SIN3B: variants seen among roughly 807,000 people sequenced by gnomAD.
The protein encoded by SIN3B is SIN3 transcription regulator family member B.
SIN3B carries 19 observed loss-of-function variants against 120.2 expected under a neutral mutation model. The observed-to-expected ratio is 0.16, with a 90% confidence interval of 0.11 to 0.23. The LOEUF is 0.23. Among genes scored for constraint, SIN3B ranks in the 10% least tolerant of loss-of-function variants. The pLI is 1.00. For missense variants in SIN3B, 1,073 were observed against 1,573.0 expected, an observed-to-expected ratio of 0.68 and a Z score of 5.38; for synonymous variants, 654 against 653.2, an observed-to-expected ratio of 1.00 and a Z score of -0.02.
At chr19:16,853,199 C>G in intron 7 of SIN3B, 41 bp downstream of exon 7, 1 of 1,579,454 alleles carries the variant, frequency 6.3e-7, no homozygotes, top group South Asian at 1.1e-5. Flanking sequence ...GATGCCATGT[C>G]CAGCTGGCTG....
chr19:16,851,361 A>T, intron 5 of SIN3B, 51 bp from the exon 6 acceptor site: 1 of 1,512,292 alleles, frequency 6.6e-7, no homozygotes, highest in Non-Finnish European at 8.9e-7. Context: ...GCTCAGGTGC[A>T]TGGGTCCAGC....
In SIN3B at chr19:16,847,018, G is replaced by A. The variant is rs991469404; in HGVS notation, c.631G>A (p.Glu211Lys). ...RGRPFRGMSE[E>K]EVFTEVANLF... ...CCGGCCATTCCGAGGCATGTCTGAA[G>A]AGGAGGTGTTCACCGAGGTGGCCAA... is the stretch of plus-strand genomic sequence containing the variant. The change falls in exon 5 of 19, where the codon GAG becomes AAG. Residue 211 changes from glutamate (E) to lysine (K), a missense_variant. Physicochemically the swap from Glu to Lys is moderately conservative, Grantham distance 56 (BLOSUM62 1). Around this residue, in one of 7 missense-constraint regions of SIN3B, gnomAD observed 395 missense variants for 528.0 expected, o/e 0.75. Transcript: ENST00000248054. 2 of 1,614,222 alleles carry A rather than the reference G, an allele frequency of 1.2e-6. No homozygotes were observed. The highest frequency in any genetic ancestry group is 1.1e-5 in the South Asian group (1 of 91,088).
In SIN3B at chr19:16,869,681, C is replaced by T; in HGVS notation, c.2028C>T (p.Ala676=). ...LFFSQQLDLG[A]SEESADEDRD... The stretch of plus-strand genomic sequence containing the variant: ...TCTCTCAGCAGCTGGACCTGGGCGC[C>T]TCCGAGGAGTCAGCTGATGAGGACC... Residue 676 remains alanine (A), a synonymous_variant, in exon 13 of 19, where the codon GCC becomes GCT. Coordinates refer to ENST00000248054, the MANE Select transcript of SIN3B (RefSeq NM_001297595.2). 1 of 1,613,602 alleles carries T rather than the reference C, an allele frequency of 6.2e-7. No homozygotes were observed. Among genetic ancestry groups the T allele is most frequent in the East Asian group, 2.2e-5 (1 of 44,882 alleles).
chr19:16,829,439 G>C lies in SIN3B; in HGVS notation c.19G>C (p.Gly7Arg). ...TTCGGACATGGCGCACGCTGGCGGT[G>C]GCAGCGGTGGCAGCGGTGCCGGCGG... The part of the protein sequence containing the change: MAHAGG[G>R]SGGSGAGGPA... Residue 7 changes from glycine to arginine, a missense_variant, in exon 1 of 19, where the codon GGC becomes CGC. Around this residue, in one of 7 missense-constraint regions of SIN3B, gnomAD observed 395 missense variants for 528.0 expected, o/e 0.75. Transcript: ENST00000248054. 1 of 1,210,360 alleles carries C rather than the reference G, an allele frequency of 8.3e-7. No homozygotes were observed. The highest frequency in any genetic ancestry group is 1.0e-6 in the Non-Finnish European group (1 of 973,942). The allele number at this position is 1,210,360 out of a possible 1,614,324, so 75.0% of individuals were successfully genotyped here.
rs752534380 is a variant in SIN3B at position 16,871,344 on chromosome 19, C to T, written c.2538C>T (p.Ile846=). The T allele has an allele frequency of 6.2e-7, 1 of 1,613,890 alleles. No individual in the cohort carries two copies. Among genetic ancestry groups the T allele is most frequent in the Non-Finnish European group, 8.5e-7 (1 of 1,179,908 alleles). Reference sequence around the variant, plus strand: ...ACACCCTACGCGAGATGTTCACCATCCATGCCTACGTGGGCTTCACCATGG... The same window carrying T: ...ACACCCTACGCGAGATGTTCACCATTCATGCCTACGTGGGCTTCACCATGG... ...YEDTLREMFT[I]HAYVGFTMDK... Residue 846 remains isoleucine (I), a synonymous_variant, in exon 14 of 19, where the codon ATC becomes ATT. Coordinates refer to ENST00000248054, the MANE Select transcript of SIN3B (RefSeq NM_001297595.2).
chr19:16,856,999 G>T (rs185713639), intron 8 of SIN3B, among the ~76,000 whole-genome samples: 9 of 152,112 alleles, frequency 5.9e-5, no homozygotes, highest in South Asian at 2.1e-4. Flanking sequence ...TGGCTGTAGC[G>T]TTCACCCCAA....
chr19:16,869,190 C>T (rs1263780560), intron 12 of SIN3B, among the ~76,000 whole-genome samples: 1 of 152,164 alleles, frequency 6.6e-6, no homozygotes, highest in Non-Finnish European at 1.5e-5. Context: ...ATCTCAGAAT[C>T]CTCTTGGCTC....
Position 16,853,143 on chromosome 19 carries a change from T to G in SIN3B, c.924T>G (p.Phe308Leu). The change falls in exon 7 of 19, where the codon TTT (phenylalanine) becomes TTG (leucine). Residue 308 changes from phenylalanine (F) to leucine (L), a missense_variant. By Grantham distance (22) the Phe-to-Leu change is conservative. Transcript: ENST00000248054. ...AVGKYGTLQE[F>L]SFFDKVRRVL... is the part of the protein sequence containing the mutation. ...GGAAGTACGGGACTCTGCAGGAATT[T>G]TCTTTCTTTGACAAGGTGAGGGTGG... 6.2e-7 allele frequency: 1 copy of G among 1,614,148 alleles called. No individual in the cohort carries two copies. The highest frequency in any genetic ancestry group is 1.1e-5 in the South Asian group (1 of 91,084).
At position 16,876,330 on chromosome 19, in the gene SIN3B, G is replaced by A. The variant is rs576206861; in HGVS notation, c.2766+102G>A. 173 of 1,428,896 alleles carry A rather than the reference G, an allele frequency of 1.2e-4. No homozygotes were observed. The African/African-American group carries it at 1.7e-3, about 14-fold the overall frequency. The allele number at this position is 1,428,896 out of a possible 1,614,324, so 88.5% of individuals were successfully genotyped here. On this transcript the variant is annotated intron_variant, in intron 15 of 18. Transcript: ENST00000248054. The surrounding 1 kb of genome is among the most constrained non-coding windows in gnomAD (Gnocchi z 7.1). ...ACCCTGGTTCAGCGGCTGGGACACC[G>A]GCCCTGCTGCAGAGCCCATGAGGTA... is the stretch of plus-strand genomic sequence containing the variant.
intron 18 of SIN3B, 38 bp downstream of exon 18, chr19:16,878,428 C>T (rs1283178137): frequency 3.1e-6 from 5 of 1,593,268 alleles, no homozygotes; most frequent in African/African-American, 2.7e-5. Context: ...ACATGCCCCT[C>T]CTCACCCCAA....
At chr19:16,865,312 C>G (rs1294980584) in intron 10 of SIN3B, 98 bp from the exon 11 acceptor site, 9 of 558,388 alleles carry the variant, frequency 1.6e-5, no homozygotes, top group African/African-American at 4.0e-5. Context: ...ACACACCCCC[C>G]CCCCAAAAAA....
intron 3 of SIN3B, among the ~76,000 whole-genome samples, chr19:16,835,748 G>C (rs1395180088): frequency 6.6e-6 from 1 of 152,012 alleles, no homozygotes. Context: ...TCGAACCCCT[G>C]ACCTCAAGTG....
At chr19:16,878,434 C>T in intron 18 of SIN3B, 44 bp downstream of exon 18, 2 of 1,588,632 alleles carry the variant, frequency 1.3e-6, no homozygotes, top group South Asian at 1.1e-5. Flanking sequence ...CCCTCCTCAC[C>T]CCAAGTCCTG....
chr19:16,843,822 G>A (rs1971447873), intron 4 of SIN3B, among the ~76,000 whole-genome samples: 1 of 150,312 alleles, frequency 6.7e-6, no homozygotes, highest in South Asian at 2.1e-4. Flanking sequence ...CATTCATCAG[G>A]GCCCGCCCGG....
In SIN3B at chr19:16,853,122, G is replaced by A. The variant is rs1268269854; in HGVS notation, c.903G>A (p.Lys301=). Residue 301 remains lysine, a synonymous_variant, in exon 7 of 19, where the codon AAG becomes AAA. Transcript: ENST00000248054. ...TKDLSIAAVG[K]YGTLQEFSFF... The stretch of plus-strand genomic sequence containing the variant: ...ACCTGTCCATCGCTGCAGTGGGGAA[G>A]TACGGGACTCTGCAGGAATTTTCTT... The A allele has an allele frequency of 1.2e-6, 2 of 1,614,100 alleles. No individual in the cohort carries two copies. Among genetic ancestry groups the A allele is most frequent in the Admixed American group, 3.3e-5 (2 of 60,014 alleles).
chr19:16,879,286 G>A lies in SIN3B; in HGVS notation c.*559G>A, dbSNP rs551520932. On this transcript the variant is annotated 3_prime_UTR_variant, in exon 19 of 19. Transcript: ENST00000248054. ...GGTGTTCAGGCCCTCAGTCACTTTG[G>A]AAGTGAGAAGAACCCTTCAGCCAAA... The A allele has an allele frequency of 6.5e-6, 1 of 153,852 alleles. No homozygotes were observed. Among genetic ancestry groups the A allele is most frequent in the Admixed American group, 6.5e-5 (1 of 15,496 alleles). 9.5% of individuals were successfully genotyped at this position (153,852 alleles called of 1,614,324 possible).
At chr19:16,855,942 A>G (rs938480396) in intron 8 of SIN3B, among the ~76,000 whole-genome samples, 10 of 151,980 alleles carry the variant, frequency 6.6e-5, no homozygotes, top group African/African-American at 2.4e-4. Context: ...CTGTTGTCCC[A>G]GCTACTTAGG....
chr19:16,878,843 T>A lies in SIN3B; in HGVS notation c.*116T>A. On this transcript the variant is annotated 3_prime_UTR_variant, in exon 19 of 19. Transcript: ENST00000248054. ...GAGAGGCATCTCCCAGCCCCTCTGC[T>A]GCCGGACAGCGCACTCCAGGGCAGG... The A allele has an allele frequency of 1.0e-6, 1 of 953,322 alleles. No homozygotes were observed. The allele number at this position is 953,322 out of a possible 1,614,324, so 59.1% of individuals were successfully genotyped here.
intron 3 of SIN3B, among the ~76,000 whole-genome samples, chr19:16,834,400 C>T (rs903828826): frequency 3.9e-5 from 6 of 152,180 alleles, no homozygotes; most frequent in South Asian, 4.1e-4. Context: ...TCTTGACAGG[C>T]GCCACACTGG....
Sources: allele counts gnomAD v4.1 joint callset (sites outside exome capture counted in the v4.1 genomes callset), GRCh38; gene constraint gnomAD v4.1.1; regional missense constraint gnomAD v4.1.1; non-coding constraint Gnocchi (gnomAD v3.1); transcripts MANE v1.5; gene names NCBI Gene and HGNC (gene_info 2026-07-23, HGNC 2026-07-21).